The following SFTPD variants were observed in gnomAD, a reference collection of about 807,000 sequenced individuals.
SFTPD encodes the protein surfactant protein D.
A neutral mutation model predicts 34.6 loss-of-function variants in SFTPD; 18 were observed. The observed-to-expected ratio is 0.52, with a 90% CI of 0.36 to 0.77. The LOEUF (loss-of-function observed/expected upper bound fraction) is 0.77. Among genes scored for constraint, SFTPD ranks in the 30% least tolerant of loss-of-function variants. The probability of loss-of-function intolerance (pLI) is 0.00; values close to 1 mark genes in which losing one functional copy is unlikely to be tolerated. For synonymous variants in SFTPD, 155 were observed against 180.9 expected (o/e 0.86, Z 1.15); for missense variants, 433 against 468.9 (o/e 0.92, Z 0.71).
chr10:79,944,115 A>C (rs1408803527), intron 2 of SFTPD, among the ~76,000 whole-genome samples: 1 of 152,178 alleles, frequency 6.6e-6, no homozygotes, highest in Non-Finnish European at 1.5e-5. Context: ...CCTGAAGTGG[A>C]GCTTTATGGC....
At chr10:79,944,318 A>G (rs1842644137) in intron 2 of SFTPD, among the ~76,000 whole-genome samples, 1 of 152,214 alleles carries the variant, frequency 6.6e-6, no homozygotes, top group African/African-American at 2.4e-5. Flanking sequence ...AAAATGTACA[A>G]CATATGATAT....
chr10:79,944,718 G>A (rs1842648479), intron 2 of SFTPD, among the ~76,000 whole-genome samples: 1 of 152,136 alleles, frequency 6.6e-6, no homozygotes, highest in Admixed American at 6.5e-5. Context: ...TGCTGAGCAG[G>A]AATGCTGAAG....
intron 6 of SFTPD, among the ~76,000 whole-genome samples, 172 bp from the exon 7 acceptor site, chr10:79,940,960 G>T (rs964561266): frequency 6.7e-6 from 1 of 148,492 alleles, no homozygotes; most frequent in Non-Finnish European, 1.5e-5. Context: ...GATGTCTTAT[G>T]GTTCTGCTAT....
At position 79,967,673 on chromosome 10, in the gene SFTPD, A is replaced by T. The variant is rs544485661; in HGVS notation, c.36+14902T>A. 6.6e-4 allele frequency among the ~76,000 whole-genome samples: 100 copies of T among 151,336 alleles called. 7 individuals carry two copies. The highest frequency in any genetic ancestry group is 2.4e-3 in the African/African-American group (99 of 40,992). On this transcript the variant is annotated intron_variant, in intron 1 of 5. Coordinates refer to the SFTPD transcript ENST00000444384. ...GCATATCTACAACTATCTGATCTTT[A>T]TTTTTCTTATTAATATAAGAAGACA... is the stretch of plus-strand genomic sequence containing the variant.
intron 1 of SFTPD, chr10:79,968,381 T>C (rs1040479578): frequency 1.3e-5 from 2 of 152,208 alleles, no homozygotes; most frequent in Non-Finnish European, 2.9e-5. Flanking sequence ...GAGTATCCAA[T>C]GTTTACTCCT....
chr10:79,937,777 G>T lies in SFTPD; in HGVS notation c.*75C>A. On this transcript the variant is annotated 3_prime_UTR_variant, in exon 8 of 8. Coordinates refer to ENST00000372292, the MANE Select transcript of SFTPD (RefSeq NM_003019.5). ...ATGGTCACCTTTTTATTAGGATATT[G>T]GCAGCATGAGGGTCTAAGCCTTGAC... 7.0e-7 allele frequency: 1 copy of T among 1,422,892 alleles called. No individual in the cohort carries two copies. The highest frequency in any genetic ancestry group is 9.4e-7 in the Non-Finnish European group (1 of 1,058,790). The allele number at this position is 1,422,892 out of a possible 1,614,324, so 88.1% of individuals were successfully genotyped here.
intron 2 of SFTPD, among the ~76,000 whole-genome samples, chr10:79,944,683 C>T (rs1214159473): frequency 6.6e-6 from 1 of 152,086 alleles, no homozygotes; most frequent in Admixed American, 6.5e-5. Context: ...ACGAGCATCC[C>T]TGGTGGGACT....
In SFTPD at chr10:79,946,566, G is replaced by C. The variant is rs775635403; in HGVS notation, c.94C>G (p.Pro32Ala). The change falls in exon 2 of 8, where the codon CCC (proline) becomes GCC (alanine). Residue 32 changes from proline to alanine, a missense_variant. Transcript: ENST00000372292. ...EMKTYSHRTM[P>A]SACTLVMCSS... ...CACATGACCAGGGTGCAAGCACTGG[G>C]CATTGTTCTGTGGGAGTAGGTCTTC... 9 of 1,614,008 alleles carry C rather than the reference G, an allele frequency of 5.6e-6. No homozygotes were observed. The highest frequency in any genetic ancestry group is 6.8e-6 in the Non-Finnish European group (8 of 1,179,926).
chr10:79,951,769 G>A (rs936057585), upstream of SFTPD, among the ~76,000 whole-genome samples: 1 of 152,194 alleles, frequency 6.6e-6, no homozygotes, highest in African/African-American at 2.4e-5. Flanking sequence ...TGGCTGGTCT[G>A]TGGATGGCCT....
At position 79,980,672 on chromosome 10, in the gene SFTPD, G is replaced by A. The variant is rs539516689; in HGVS notation, c.36+1903C>T. On this transcript the variant is annotated intron_variant, in intron 1 of 5. Transcript: ENST00000444384. Reference sequence around the variant, plus strand: ...AGGTATGGGAAGAGAACAAGAGACTGTCTGGTAATCCAGGGACTTCTCTCA... The same window carrying A: ...AGGTATGGGAAGAGAACAAGAGACTATCTGGTAATCCAGGGACTTCTCTCA... 3.9e-5 allele frequency among the ~76,000 whole-genome samples: 6 copies of A among 152,192 alleles called. No individual in the cohort carries two copies. The East Asian group carries it at 9.6e-4, about 24-fold the overall frequency.
In SFTPD at chr10:79,941,309, C is replaced by T. The variant is rs964614023; in HGVS notation, c.667+89G>A. On this transcript the variant is annotated intron_variant, in intron 6 of 7. Transcript: ENST00000372292. Reference sequence around the variant, plus strand: ...GCTGCCATTAATGGGGCACACATCCCAGAGCCCCTCCTCTGGGATGAGGAG... The same window carrying T: ...GCTGCCATTAATGGGGCACACATCCTAGAGCCCCTCCTCTGGGATGAGGAG... 5 of 1,139,678 alleles carry T rather than the reference C, an allele frequency of 4.4e-6. No individual in the cohort carries two copies. In the Admixed American group the frequency reaches 9.4e-5, roughly 21 times the overall value. The allele number at this position is 1,139,678 out of a possible 1,614,324, so 70.6% of individuals were successfully genotyped here.
chr10:79,962,045 CA>C (rs71482759), intron 1 of SFTPD, among the ~76,000 whole-genome samples: 28,032 of 138,360 alleles, frequency 0.2, 3,192 homozygotes, highest in East Asian at 0.52. Context: ...ATCGCAAGGA[CA>C]AAAAAACCAA....
At chr10:79,973,333 T>C (rs1842846061) in intron 1 of SFTPD, 1 of 152,212 alleles carries the variant, frequency 6.6e-6, no homozygotes, top group Admixed American at 6.5e-5. Context: ...AAAAATATCT[T>C]TGAAGGCCAG....
chr10:79,952,753 G>T (rs1318553095), upstream of SFTPD, among the ~76,000 whole-genome samples: 1 of 152,282 alleles, frequency 6.6e-6, no homozygotes, highest in South Asian at 2.1e-4. Flanking sequence ...CACAATGGGT[G>T]CATAACCAGT....
chr10:79,941,967 G>T lies in SFTPD; in HGVS notation c.537C>A (p.Asn179Lys), dbSNP rs17884760. Residue 179 changes from asparagine (N) to lysine (K), a missense_variant, in exon 5 of 8, where the codon AAC becomes AAA. Coordinates refer to ENST00000372292, the MANE Select transcript of SFTPD (RefSeq NM_003019.5). Reference sequence around the variant, plus strand: ...TCCACTGCTCACCTGCTGCCCCTGTGTTTCCAGGGACTCCACGCTCACCAG... The same window carrying T: ...TCCACTGCTCACCTGCTGCCCCTGTTTTTCCAGGGACTCCACGCTCACCAG... ...GVPGERGVPG[N>K]TGAAGSAGAM... 3.5e-5 allele frequency: 57 copies of T among 1,609,458 alleles called. No homozygotes were observed. The highest frequency in any genetic ancestry group is 8.5e-6 in the Non-Finnish European group (10 of 1,176,116).
At chr10:79,949,911 T>C (rs757215854), upstream of SFTPD, 1 of 151,608 alleles carries the variant, frequency 6.6e-6, no homozygotes, top group African/African-American at 2.4e-5. Flanking sequence ...AGTGCCATAA[T>C]GCATTTATAG....
chr10:79,981,982 G>A, intron 1 of SFTPD: 1 of 305,768 alleles, frequency 3.3e-6, no homozygotes, highest in South Asian at 3.8e-5. Context: ...CCCGCGTCAG[G>A]CCGCCAGCCT....
At chr10:79,946,027 G>C (rs1024864632) in intron 2 of SFTPD, among the ~76,000 whole-genome samples, 20 of 152,134 alleles carry the variant, frequency 1.3e-4, no homozygotes, top group African/African-American at 4.3e-4. Flanking sequence ...AAATCCTCTT[G>C]ATTAGGCTTG....
intron 2 of SFTPD, among the ~76,000 whole-genome samples, chr10:79,945,695 C>T (rs1842657630): frequency 6.6e-6 from 1 of 152,152 alleles, no homozygotes; most frequent in South Asian, 2.1e-4. Context: ...AAAATAAAGC[C>T]TTTGGCTCAA....
Sources: gnomAD v4.1 joint callset for allele counts (sites outside exome capture counted in the v4.1 genomes callset) on GRCh38, gnomAD v4.1.1 for gene constraint, MANE v1.5 for transcripts, NCBI Gene and HGNC (gene_info 2026-07-23, HGNC 2026-07-21) for gene names.